USPL1: variants seen among roughly 807,000 people sequenced by gnomAD.
The protein encoded by USPL1 is ubiquitin specific peptidase like 1.
A neutral mutation model predicts 51.5 loss-of-function variants in USPL1; 27 were observed. That is an observed-to-expected ratio of 0.52 (90% CI 0.39 to 0.72). The LOEUF (loss-of-function observed/expected upper bound fraction) is 0.72. USPL1 is among the 30% of genes least tolerant of loss of function. USPL1 has a pLI of 0.00. For missense variants in USPL1, 1,226 were observed against 1,268.0 expected, an observed-to-expected ratio of 0.97 and a Z score of 0.50; for synonymous variants, 451 against 459.6, an observed-to-expected ratio of 0.98 and a Z score of 0.24.
chr13:30,657,219 A>G (rs921052247), intron 8 of USPL1, among the ~76,000 whole-genome samples: 2 of 152,250 alleles, frequency 1.3e-5, no homozygotes, highest in African/African-American at 4.8e-5. Flanking sequence ...ATGAAAACAT[A>G]TATGTATGAA....
chr13:30,640,738 A>G (rs1003692142), intron 5 of USPL1, among the ~76,000 whole-genome samples: 5 of 152,210 alleles, frequency 3.3e-5, no homozygotes, highest in Non-Finnish European at 5.9e-5. Flanking sequence ...CAAAAGTAGC[A>G]GTGAGACTAT....
At chr13:30,618,251 A>G (rs1232459947) in intron 1 of USPL1, among the ~76,000 whole-genome samples, 195 bp downstream of exon 1, 1 of 152,190 alleles carries the variant, frequency 6.6e-6, no homozygotes, top group East Asian at 1.9e-4. Context: ...TGAACGCTGA[A>G]GAGAAACCAG....
At chr13:30,629,717 T>C (rs1225844534) in intron 3 of USPL1, among the ~76,000 whole-genome samples, 1 of 152,142 alleles carries the variant, frequency 6.6e-6, no homozygotes, top group Non-Finnish European at 1.5e-5. Context: ...GTGTGATAGC[T>C]GGGACTAAGA....
intron 3 of USPL1, among the ~76,000 whole-genome samples, chr13:30,626,998 C>G (rs763610768): frequency 2.6e-5 from 4 of 151,930 alleles, no homozygotes; most frequent in African/African-American, 9.7e-5. Context: ...TTGATAATTA[C>G]TTATACAAGT....
At position 30,658,617 on chromosome 13, in the gene USPL1, C is replaced by T; in HGVS notation, c.2540C>T (p.Ala847Val). 3 of 1,614,220 alleles carry T rather than the reference C, an allele frequency of 1.9e-6. No homozygotes were observed. Among genetic ancestry groups the T allele is most frequent in the Non-Finnish European group, 2.5e-6 (3 of 1,180,052 alleles). ...GTAAHPHAHAASEVLEKSGST... is the reference protein window; with the variant it reads ...GTAAHPHAHAVSEVLEKSGST... ...GCTGCCCACCCACATGCTCATGCTG[C>T]TTCAGAAGTTTTGGAAAAGTCTGGA... The change falls in exon 9 of 9, where the codon GCT becomes GTT. Residue 847 changes from alanine (A) to valine (V), a missense_variant. Ala to Val is a moderately conservative substitution (Grantham distance 64). Coordinates refer to ENST00000255304, the MANE Select transcript of USPL1 (RefSeq NM_005800.5).
intron 5 of USPL1, among the ~76,000 whole-genome samples, chr13:30,640,708 CT>C (rs1299641477): frequency 6.6e-6 from 1 of 152,088 alleles, no homozygotes; most frequent in South Asian, 2.1e-4. Flanking sequence ...AACAAAAAAA[CT>C]TTTTTTAATG....
At chr13:30,652,185 T>A (rs1247289665) in intron 7 of USPL1, among the ~76,000 whole-genome samples, 1 of 152,248 alleles carries the variant, frequency 6.6e-6, no homozygotes, top group African/African-American at 2.4e-5. Flanking sequence ...ATGAAATAGA[T>A]ATGATTTTTT....
rs144839609 is a variant in USPL1 at position 30,621,565 on chromosome 13, A to G, written c.100-199A>G. On this transcript the variant is annotated intron_variant, in intron 2 of 8. Transcript: ENST00000255304. ...CACATAAAATTTAATATTTAAAACT[A>G]TAACATAATTCTTTTTGGAATAATA... is the stretch of plus-strand genomic sequence containing the variant. Among the ~76,000 whole-genome samples the G allele has an allele frequency of 7.3e-4, 111 of 152,254 alleles. 1 individual carries two copies. The East Asian group carries it at 0.02, about 27-fold the overall frequency.
Position 30,659,269 on chromosome 13 carries a change from G to GT in USPL1, c.3199dup (p.Ser1067PhefsTer11). 2 of 1,614,078 alleles carry GT rather than the reference G, an allele frequency of 1.2e-6. No homozygotes were observed. The highest frequency in any genetic ancestry group is 8.5e-7 in the Non-Finnish European group (1 of 1,180,008). On this transcript the variant is annotated frameshift_variant, in exon 9 of 9. Coordinates refer to ENST00000255304, the MANE Select transcript of USPL1 (RefSeq NM_005800.5). LOFTEE classifies it high-confidence loss of function. ...CGATGAAGACTGATATTTTCGATGA[G>GT]TTTTTTTCCTCCTCAGCATTAAATG...
At position 30,655,101 on chromosome 13, in the gene USPL1, CTAA is replaced by C. The variant is rs1350035021; in HGVS notation, c.1396+1798_1396+1800del. 2.0e-5 allele frequency among the ~76,000 whole-genome samples: 3 copies of C among 152,096 alleles called. No homozygotes were observed. The East Asian group carries it at 5.8e-4, about 29-fold the overall frequency. On this transcript the variant is annotated intron_variant, in intron 8 of 8. Coordinates refer to ENST00000255304, the MANE Select transcript of USPL1 (RefSeq NM_005800.5). ...TACACGCAGGCGCTACCATGCCCGGCTAATTTTGTATTTTTAGTAGAGACAGGG... is the reference window on the plus strand; with the variant it reads ...TACACGCAGGCGCTACCATGCCCGGCTTTTGTATTTTTAGTAGAGACAGGG...
At chr13:30,654,293 A>G (rs1004675029) in intron 8 of USPL1, among the ~76,000 whole-genome samples, 1 of 151,808 alleles carries the variant, frequency 6.6e-6, no homozygotes. Flanking sequence ...TGTTTTTGGT[A>G]TTGGTTTTTG....
intron 3 of USPL1, among the ~76,000 whole-genome samples, chr13:30,628,430 G>A (rs1173486177): frequency 1.3e-5 from 2 of 152,072 alleles, no homozygotes; most frequent in South Asian, 2.1e-4. Context: ...GGATACATGT[G>A]CAGAACGTGC....
At chr13:30,625,526 A>C (rs1593361534) in intron 3 of USPL1, among the ~76,000 whole-genome samples, 2 of 147,672 alleles carry the variant, frequency 1.4e-5, no homozygotes, top group Non-Finnish European at 3.0e-5. Flanking sequence ...GCTCACCGCA[A>C]CCTCCGACTC....
intron 6 of USPL1, among the ~76,000 whole-genome samples, chr13:30,645,610 C>T (rs1951008388): frequency 6.6e-6 from 1 of 152,172 alleles, no homozygotes. Context: ...TATGTCATAA[C>T]TTAAAACTTA....
rs1297034938 is a variant in USPL1 at position 30,634,063 on chromosome 13, G to A, written c.868+2589G>A. On this transcript the variant is annotated intron_variant, in intron 4 of 8. Coordinates refer to ENST00000255304, the MANE Select transcript of USPL1 (RefSeq NM_005800.5). ...TTTTTTTCTTTAAGTTGAGAACTTT[G>A]ACCTTTTTACTTAGAGAAGCATTTT... Among the ~76,000 whole-genome samples the A allele has an allele frequency of 2.6e-5, 4 of 152,244 alleles. No homozygotes were observed. The East Asian group carries it at 5.8e-4, about 22-fold the overall frequency.
intron 7 of USPL1, among the ~76,000 whole-genome samples, chr13:30,648,463 A>G (rs1374402791): frequency 1.3e-5 from 2 of 152,046 alleles, no homozygotes; most frequent in Non-Finnish European, 2.9e-5. Context: ...TCACTATCGT[A>G]GTTTTTAGCC....
Position 30,658,755 on chromosome 13 carries a change from G to T in USPL1, c.2678G>T (p.Arg893Leu). 1.2e-6 allele frequency: 2 copies of T among 1,614,124 alleles called. No individual in the cohort carries two copies. Among genetic ancestry groups the T allele is most frequent in the Non-Finnish European group, 1.7e-6 (2 of 1,180,042 alleles). ...GQIHKLRLKL[R>L]KKLKAEKKKL... is the part of the protein sequence containing the mutation. ...ATTCATAAACTTCGTCTAAAACTTC[G>T]TAAAAAGCTAAAGGCAGAAAAGAAG... The change falls in exon 9 of 9, where the codon CGT (arginine) becomes CTT (leucine). Residue 893 changes from arginine to leucine, a missense_variant. By Grantham distance (102) the Arg-to-Leu change is moderately radical. Transcript: ENST00000255304.
At chr13:30,655,916 C>T (rs542309952) in intron 8 of USPL1, among the ~76,000 whole-genome samples, 5 of 152,162 alleles carry the variant, frequency 3.3e-5, no homozygotes, top group African/African-American at 4.8e-5. Flanking sequence ...TTTGCTGTGC[C>T]GCAATTACCA....
chr13:30,628,590 C>T (rs904072843), intron 3 of USPL1, among the ~76,000 whole-genome samples: 3 of 152,116 alleles, frequency 2.0e-5, no homozygotes, highest in Non-Finnish European at 2.9e-5. Flanking sequence ...TCTCTGTGTC[C>T]GTGTGTTCTC....
Sources: allele counts gnomAD v4.1 joint callset (sites outside exome capture counted in the v4.1 genomes callset), GRCh38; gene constraint gnomAD v4.1.1; transcripts MANE v1.5; gene names NCBI Gene and HGNC (gene_info 2026-07-23, HGNC 2026-07-21).